Variants in PFDN1 observed in about 807,000 individuals in gnomAD.
PFDN1 encodes prefoldin subunit 1, also known as prefoldin 1.
A neutral mutation model predicts 17.3 loss-of-function variants in PFDN1; 6 were observed. That is an observed-to-expected ratio of 0.35 (90% CI 0.19 to 0.69). The LOEUF is 0.69. Among genes scored for constraint, PFDN1 ranks in the 30% least tolerant of loss-of-function variants. The pLI is 0.65. For synonymous variants in PFDN1, 58 were observed against 50.1 expected (o/e 1.16, Z -0.67); for missense variants, 113 against 146.2 (o/e 0.77, Z 1.17).
intron 3 of PFDN1, among the ~76,000 whole-genome samples, chr5:140,249,797 A>C (rs1302079246): frequency 6.6e-6 from 1 of 152,166 alleles, no homozygotes; most frequent in Non-Finnish European, 1.5e-5. Context: ...CAGTCAGTGA[A>C]GAAACAAAGC....
intron 2 of PFDN1, among the ~76,000 whole-genome samples, chr5:140,285,371 C>T (rs985605126): frequency 6.6e-6 from 1 of 151,454 alleles, no homozygotes; most frequent in Non-Finnish European, 1.5e-5. Flanking sequence ...AAAGAATGAG[C>T]CTATCTTGCT....
chr5:140,280,489 T>C (rs1765383729), intron 3 of PFDN1, among the ~76,000 whole-genome samples: 1 of 152,216 alleles, frequency 6.6e-6, no homozygotes, highest in African/African-American at 2.4e-5. Context: ...TGCAAATCTA[T>C]TATCAAGTTT....
intron 3 of PFDN1, chr5:140,262,519 TCAAA>T: frequency 2.2e-6 from 1 of 456,014 alleles, no homozygotes; most frequent in Non-Finnish European, 4.4e-6. Flanking sequence ...GAGCAGCAGA[TCAAA>T]CTGACCTGCT....
chr5:140,283,766 T>C (rs1434266652), intron 2 of PFDN1, among the ~76,000 whole-genome samples: 3 of 152,204 alleles, frequency 2.0e-5, no homozygotes, highest in African/African-American at 7.2e-5. Context: ...ATATTTGTAT[T>C]TGAAGAGAAG....
At chr5:140,269,305 A>ACG in intron 3 of PFDN1, among the ~76,000 whole-genome samples, 2 of 145,514 alleles carry the variant, frequency 1.4e-5, no homozygotes. Flanking sequence ...GAGCCACAGC[A>ACG]CCCAGCCTTA....
chr5:140,296,308 A>G (rs988783850), intron 2 of PFDN1, among the ~76,000 whole-genome samples: 1 of 152,204 alleles, frequency 6.6e-6, no homozygotes, highest in Admixed American at 6.5e-5. Flanking sequence ...TCAAATCAAT[A>G]CACATTTAAT....
At chr5:140,255,973 A>G (rs1486399774) in intron 3 of PFDN1, among the ~76,000 whole-genome samples, 4 of 152,146 alleles carry the variant, frequency 2.6e-5, no homozygotes, top group East Asian at 1.9e-4. Flanking sequence ...TTCAAGTCCA[A>G]TGATCTCTAT....
chr5:140,255,130 T>A (rs1244918438), intron 3 of PFDN1, among the ~76,000 whole-genome samples: 1 of 152,250 alleles, frequency 6.6e-6, no homozygotes, highest in Admixed American at 6.5e-5. Flanking sequence ...AAATAACTAT[T>A]TCATGCTTTG....
intron 2 of PFDN1, among the ~76,000 whole-genome samples, chr5:140,284,947 C>G (rs1171881698): frequency 6.6e-6 from 1 of 152,146 alleles, no homozygotes; most frequent in East Asian, 1.9e-4. Context: ...CATCAGACTC[C>G]GTTTTCTAAA....
At chr5:140,275,135 G>A (rs561161082) in intron 3 of PFDN1, among the ~76,000 whole-genome samples, 8 of 152,048 alleles carry the variant, frequency 5.3e-5, no homozygotes, top group East Asian at 1.9e-4. Flanking sequence ...TGTGCCAGGC[G>A]CGGTGGCTCA....
At chr5:140,293,375 C>T (rs373758527) in intron 2 of PFDN1, among the ~76,000 whole-genome samples, 2 of 150,202 alleles carry the variant, frequency 1.3e-5, no homozygotes, top group South Asian at 2.1e-4. Context: ...CAAAGTCCAC[C>T]AAGTAGCTAA....
At chr5:140,288,339 T>C (rs1765528456) in intron 2 of PFDN1, among the ~76,000 whole-genome samples, 1 of 152,072 alleles carries the variant, frequency 6.6e-6, no homozygotes, top group Non-Finnish European at 1.5e-5. Flanking sequence ...ATTCCAACTA[T>C]ATGAGATTTC....
intron 3 of PFDN1, among the ~76,000 whole-genome samples, chr5:140,268,540 G>C (rs569407029): frequency 6.6e-6 from 1 of 152,146 alleles, no homozygotes; most frequent in Non-Finnish European, 1.5e-5. Context: ...CAGCTACTCG[G>C]GAGGCTGAGG....
intron 3 of PFDN1, among the ~76,000 whole-genome samples, chr5:140,251,688 T>C (rs1476305555): frequency 6.6e-6 from 1 of 152,174 alleles, no homozygotes; most frequent in Non-Finnish European, 1.5e-5. Context: ...GACATTCTTG[T>C]GGGCCCTTGC....
At chr5:140,253,797 T>C (rs953535432) in intron 3 of PFDN1, among the ~76,000 whole-genome samples, 1 of 152,190 alleles carries the variant, frequency 6.6e-6, no homozygotes, top group South Asian at 2.1e-4. Flanking sequence ...AAGGAATCTA[T>C]CACTACCTTA....
intron 2 of PFDN1, among the ~76,000 whole-genome samples, chr5:140,287,110 T>C (rs1036826322): frequency 1.3e-5 from 2 of 152,248 alleles, no homozygotes; most frequent in Non-Finnish European, 2.9e-5. Flanking sequence ...TTGGATTAAC[T>C]AGTTGGTTAA....
intron 2 of PFDN1, among the ~76,000 whole-genome samples, chr5:140,284,267 C>T (rs778955013): frequency 1.6e-4 from 25 of 152,138 alleles, no homozygotes; most frequent in Non-Finnish European, 3.5e-4. Flanking sequence ...ATCTCAGCCA[C>T]GCAAGTTTTA....
chr5:140,301,937 G>A (rs988344300), intron 1 of PFDN1, among the ~76,000 whole-genome samples: 1 of 152,194 alleles, frequency 6.6e-6, no homozygotes, highest in Non-Finnish European at 1.5e-5. Flanking sequence ...TTAAAGATTA[G>A]AGACTCCACC....
chr5:140,284,552 T>C (rs1364350581), intron 2 of PFDN1, among the ~76,000 whole-genome samples: 4 of 152,244 alleles, frequency 2.6e-5, no homozygotes, highest in African/African-American at 9.6e-5. Flanking sequence ...AGTCTTATCA[T>C]AAGCAAATAT....
Sources: allele counts gnomAD v4.1 joint callset (sites outside exome capture counted in the v4.1 genomes callset), GRCh38; gene constraint gnomAD v4.1.1; transcripts MANE v1.5; gene names NCBI Gene and HGNC (gene_info 2026-07-23, HGNC 2026-07-21).